Variants in CADM2 observed in about 807,000 individuals in gnomAD.
The protein encoded by CADM2 is cell adhesion molecule 2.
A neutral mutation model predicts 49.8 loss-of-function variants in CADM2; 12 were observed. The observed-to-expected ratio is 0.24, with a 90% confidence interval of 0.15 to 0.39. The LOEUF is 0.39. CADM2 is among the 10% of genes least tolerant of loss of function. CADM2 has a pLI of 1.00. For missense variants in CADM2, 378 were observed against 492.3 expected, an observed-to-expected ratio of 0.77 and a Z score of 2.20; for synonymous variants, 214 against 175.4, an observed-to-expected ratio of 1.22 and a Z score of -1.74.
At chr3:84,977,458 A>G (rs2031891823) in intron 1 of CADM2, among the ~76,000 whole-genome samples, 1 of 152,046 alleles carries the variant, frequency 6.6e-6, no homozygotes, top group Admixed American at 6.6e-5. Context: ...CACAAACTTA[A>G]TATATTCTCA....
At chr3:84,966,645 T>TA (rs1288578508) in intron 1 of CADM2, among the ~76,000 whole-genome samples, 1 of 152,086 alleles carries the variant, frequency 6.6e-6, no homozygotes, top group African/African-American at 2.4e-5. Flanking sequence ...CTTGAATAGA[T>TA]ACAGAGCTAA....
chr3:85,832,345 C>T (rs934848380), intron 3 of CADM2, among the ~76,000 whole-genome samples: 9 of 151,798 alleles, frequency 5.9e-5, no homozygotes, highest in African/African-American at 2.2e-4. Flanking sequence ...ATATCCAGTT[C>T]TGTGAAAAAT....
At chr3:85,530,394 G>A (rs1355283510) in intron 1 of CADM2, among the ~76,000 whole-genome samples, 3 of 136,486 alleles carry the variant, frequency 2.2e-5, no homozygotes, top group Non-Finnish European at 3.2e-5. Flanking sequence ...GCAGTGGCGC[G>A]ATCTCGGCTC....
intron 1 of CADM2, among the ~76,000 whole-genome samples, chr3:84,997,488 C>A (rs1482532185): frequency 1.9e-4 from 29 of 151,712 alleles, no homozygotes; most frequent in Admixed American, 1.9e-3. Flanking sequence ...GTTTATTTTT[C>A]TGATTTTTTT....
At chr3:86,006,574 T>C (rs1344721651) in intron 8 of CADM2, among the ~76,000 whole-genome samples, 1 of 152,128 alleles carries the variant, frequency 6.6e-6, no homozygotes, top group Non-Finnish European at 1.5e-5. Context: ...ATTTTCTTTT[T>C]TCTATTAGGA....
At position 85,300,527 on chromosome 3, in the gene CADM2, A is replaced by G. The variant is rs1172152141; in HGVS notation, c.61+340859A>G. On this transcript the variant is annotated intron_variant, in intron 1 of 9. Transcript: ENST00000383699. The stretch of plus-strand genomic sequence containing the variant: ...ATACAAGATCTTCTGTACCCAAATA[A>G]TGTTTCCATAGATTATAAAATTGGC... Among the ~76,000 whole-genome samples, 3 of 152,054 alleles carry G rather than the reference A, an allele frequency of 2.0e-5. No individual in the cohort carries two copies. In the East Asian group the frequency reaches 5.8e-4, roughly 29 times the overall value.
At chr3:85,814,221 G>A (rs990788195) in intron 3 of CADM2, among the ~76,000 whole-genome samples, 2 of 152,026 alleles carry the variant, frequency 1.3e-5, no homozygotes, top group Non-Finnish European at 2.9e-5. Flanking sequence ...ATTTCCTTGA[G>A]CAGTGATTTG....
intron 1 of CADM2, among the ~76,000 whole-genome samples, chr3:85,117,570 G>C (rs538437325): frequency 6.6e-6 from 1 of 152,122 alleles, no homozygotes; most frequent in African/African-American, 2.4e-5. Context: ...ATATTTATCT[G>C]AAGTATATTT....
intron 3 of CADM2, among the ~76,000 whole-genome samples, chr3:85,833,977 C>T (rs1295589067): frequency 6.6e-6 from 1 of 151,542 alleles, no homozygotes; most frequent in African/African-American, 2.4e-5. Flanking sequence ...AGTACTAATT[C>T]TTCCAATCCA....
Position 85,229,023 on chromosome 3 carries a change from G to A in CADM2, c.61+269355G>A, listed in dbSNP as rs140752497. On this transcript the variant is annotated intron_variant, in intron 1 of 9. Coordinates refer to ENST00000383699, the MANE Select transcript of CADM2 (RefSeq NM_001167675.2). The stretch of plus-strand genomic sequence containing the variant: ...TGTTCAGAGATACCCTGCCCACAGA[G>A]GTGGAATCTAGAGAGGCAGTTGGCC... 2.3e-3 allele frequency among the ~76,000 whole-genome samples: 353 copies of A among 152,296 alleles called. 2 individuals are homozygous for A. Among genetic ancestry groups the A allele is most frequent in the African/African-American group, 8.1e-3 (336 of 41,564 alleles).
chr3:85,074,546 G>C (rs75747646), intron 1 of CADM2, among the ~76,000 whole-genome samples: 1 of 152,068 alleles, frequency 6.6e-6, no homozygotes, highest in East Asian at 1.9e-4. Flanking sequence ...ATACCAAGCA[G>C]TTAGAATAGT....
chr3:85,354,427 A>G (rs144825465), intron 1 of CADM2, among the ~76,000 whole-genome samples: 29 of 151,450 alleles, frequency 1.9e-4, no homozygotes, highest in South Asian at 6.3e-4. Flanking sequence ...TGGGTGCAGC[A>G]CACCAACATG....
At chr3:85,580,115 A>T (rs2062752897) in intron 1 of CADM2, among the ~76,000 whole-genome samples, 1 of 152,190 alleles carries the variant, frequency 6.6e-6, no homozygotes, top group Admixed American at 6.5e-5. Context: ...ATTATTTCAA[A>T]TTAAGATCAT....
At chr3:85,402,307 T>G (rs868188917) in intron 1 of CADM2, among the ~76,000 whole-genome samples, 1 of 152,098 alleles carries the variant, frequency 6.6e-6, no homozygotes, top group African/African-American at 2.4e-5. Flanking sequence ...GGTAGATTTT[T>G]TTAAATATAT....
intron 1 of CADM2, among the ~76,000 whole-genome samples, chr3:85,355,122 A>T (rs1289641765): frequency 6.6e-6 from 1 of 152,062 alleles, no homozygotes; most frequent in Non-Finnish European, 1.5e-5. Context: ...GCCAAAACCA[A>T]TCCAGGACGG....
chr3:85,900,332 A>G (rs916388690), intron 5 of CADM2, among the ~76,000 whole-genome samples: 1 of 152,140 alleles, frequency 6.6e-6, no homozygotes, highest in Non-Finnish European at 1.5e-5. Flanking sequence ...TTTATGAGAA[A>G]TTTAAAAGAT....
chr3:85,660,933 C>G (rs2065383798), intron 1 of CADM2, among the ~76,000 whole-genome samples: 1 of 150,290 alleles, frequency 6.7e-6, no homozygotes, highest in Non-Finnish European at 1.5e-5. Context: ...AAAACAGAAG[C>G]ACGAGGTACA....
chr3:85,636,267 T>C (rs1431147345), intron 1 of CADM2, among the ~76,000 whole-genome samples: 10 of 152,170 alleles, frequency 6.6e-5, no homozygotes. Context: ...ACACTGATGA[T>C]CCTGACCCTG....
chr3:84,997,664 G>A (rs533940668), intron 1 of CADM2, among the ~76,000 whole-genome samples: 3 of 151,688 alleles, frequency 2.0e-5, no homozygotes, highest in Non-Finnish European at 4.4e-5. Context: ...TGTGTAAGTA[G>A]TTGTGATTTT....
Sources: allele counts gnomAD v4.1 joint callset (sites outside exome capture counted in the v4.1 genomes callset), GRCh38; gene constraint gnomAD v4.1.1; transcripts MANE v1.5; gene names NCBI Gene and HGNC (gene_info 2026-07-23, HGNC 2026-07-21).